Variants in PTPRG observed in about 807,000 individuals in gnomAD.
The protein encoded by PTPRG is receptor-type tyrosine-protein phosphatase gamma.
Under a neutral mutation model 165.3 loss-of-function variants are expected in PTPRG, and 102 were observed. That is an observed-to-expected ratio of 0.62 (90% CI 0.53 to 0.73). The LOEUF (loss-of-function observed/expected upper bound fraction) is 0.73. Ranked by LOEUF, PTPRG falls within the 30% of genes least tolerant of loss-of-function variation. PTPRG has a pLI of 0.00. For missense variants in PTPRG, 1,866 were observed against 1,861.4 expected, an observed-to-expected ratio of 1.00 and a Z score of -0.05; for synonymous variants, 675 against 669.5, an observed-to-expected ratio of 1.01 and a Z score of -0.13.
rs1401995304 is a variant in PTPRG, at chr3:62,237,182, G to A, written c.2375+5871G>A. Among the ~76,000 whole-genome samples the A allele has an allele frequency of 3.9e-5, 6 of 152,068 alleles. No homozygotes were observed. The highest frequency in any genetic ancestry group is 8.8e-5 in the Non-Finnish European group (6 of 68,012). On this transcript the variant is annotated intron_variant, in intron 14 of 29. Coordinates refer to ENST00000474889, the MANE Select transcript of PTPRG (RefSeq NM_002841.4). This position sits in a 1 kb window ranked among gnomAD's most constrained non-coding sequence, Gnocchi z 4.5. ...TCAGAGGTTATCTAAACAGGTTCCC[G>A]GAAAAACAGAAGCCACAGAAGAAAA...
intron 15 of PTPRG, among the ~76,000 whole-genome samples, chr3:62,246,083 C>A (rs1701282833): frequency 6.6e-6 from 1 of 152,070 alleles, no homozygotes; most frequent in Non-Finnish European, 1.5e-5. Context: ...AAATATGTTT[C>A]TCCTAATTCA....
At chr3:62,053,355 C>T (rs1476761692) in intron 4 of PTPRG, among the ~76,000 whole-genome samples, 2 of 151,626 alleles carry the variant, frequency 1.3e-5, no homozygotes, top group African/African-American at 2.4e-5. Flanking sequence ...CAACCTCCAC[C>T]TCCCAGGCTC....
intron 1 of PTPRG, among the ~76,000 whole-genome samples, chr3:61,653,322 T>C (rs1427399787): frequency 4.0e-5 from 6 of 151,486 alleles, no homozygotes; most frequent in South Asian, 2.1e-4. Context: ...ATTATCCCCC[T>C]TTTTTTTTCC....
intron 1 of PTPRG, among the ~76,000 whole-genome samples, chr3:61,659,981 C>T (rs982734796): frequency 1.3e-5 from 2 of 152,104 alleles, no homozygotes; most frequent in Admixed American, 1.3e-4. Flanking sequence ...AATCTCAGCA[C>T]TTTGGGAGGC....
At chr3:61,802,818 G>A (rs1010268969) in intron 2 of PTPRG, among the ~76,000 whole-genome samples, 1 of 152,108 alleles carries the variant, frequency 6.6e-6, no homozygotes, top group Non-Finnish European at 1.5e-5. Flanking sequence ...TGGGGACTGT[G>A]AGGACCTGGA....
chr3:62,157,001 T>C, intron 6 of PTPRG, 66 bp from the exon 7 acceptor site: 6 of 1,422,694 alleles, frequency 4.2e-6, no homozygotes, highest in Non-Finnish European at 5.9e-6. Flanking sequence ...GGGTGTTGAC[T>C]GTGTCTGCGG....
At chr3:62,086,564 T>G (rs1304646990) in intron 5 of PTPRG, among the ~76,000 whole-genome samples, 1 of 152,226 alleles carries the variant, frequency 6.6e-6, no homozygotes, top group Non-Finnish European at 1.5e-5. Flanking sequence ...TTGCTGCTGT[T>G]TGAATATCGT....
intron 2 of PTPRG, among the ~76,000 whole-genome samples, chr3:61,900,941 A>G (rs2038484406): frequency 6.6e-6 from 1 of 152,176 alleles, no homozygotes; most frequent in Admixed American, 6.5e-5. Flanking sequence ...TGTGGATGCT[A>G]ACAGCAATAA....
chr3:62,181,981 C>A (rs879549529), intron 8 of PTPRG, among the ~76,000 whole-genome samples: 4 of 152,184 alleles, frequency 2.6e-5, no homozygotes, highest in Admixed American at 2.6e-4. Context: ...CAGTAACATA[C>A]ACAGTCAATT....
intron 1 of PTPRG, among the ~76,000 whole-genome samples, chr3:61,620,141 T>C (rs1281270630): frequency 6.6e-6 from 1 of 152,122 alleles, no homozygotes; most frequent in Non-Finnish European, 1.5e-5. Flanking sequence ...ATTTTTTTTT[T>C]CCCTGCCCTA....
intron 1 of PTPRG, among the ~76,000 whole-genome samples, chr3:61,677,872 T>G (rs1447840119): frequency 6.6e-6 from 1 of 152,078 alleles, no homozygotes; most frequent in African/African-American, 2.4e-5. Context: ...GGGCCGTGGA[T>G]GGGAGGGGAA....
At chr3:62,136,141 T>C (rs1285100595) in intron 6 of PTPRG, among the ~76,000 whole-genome samples, 2 of 152,128 alleles carry the variant, frequency 1.3e-5, no homozygotes, top group African/African-American at 2.4e-5. Flanking sequence ...CCCGTAGTGC[T>C]CAGAGATTCT....
At position 61,607,393 on chromosome 3, in the gene PTPRG, CTT is replaced by C. The variant is rs772557107; in HGVS notation, c.85+45023_85+45024del. 5.3e-5 allele frequency among the ~76,000 whole-genome samples: 8 copies of C among 152,260 alleles called. No individual in the cohort carries two copies. The South Asian group carries it at 1.5e-3, about 28-fold the overall frequency. On this transcript the variant is annotated intron_variant, in intron 1 of 29. Transcript: ENST00000474889. ...TTCAGAAATCGGATCAAACTGTGTT[CTT>C]TGGGATCCATTAAAACTGAAATGCC...
At chr3:62,097,098 TATC>T (rs147158459) in intron 5 of PTPRG, among the ~76,000 whole-genome samples, 35,344 of 152,060 alleles carry the variant, frequency 0.23, 4,231 homozygotes, top group Non-Finnish European at 0.28. Context: ...CCATTACTAT[TATC>T]ACGCGCTTAA....
intron 2 of PTPRG, among the ~76,000 whole-genome samples, chr3:61,813,551 G>GTGTGTGTT (rs1407232135): frequency 1.7e-5 from 2 of 117,800 alleles, no homozygotes; most frequent in African/African-American, 6.0e-5. Context: ...ATCTGTGTGT[G>GTGTGTGTT]TGTGTGTGTG....
intron 1 of PTPRG, among the ~76,000 whole-genome samples, chr3:61,628,525 G>T (rs990447435): frequency 6.6e-6 from 1 of 152,032 alleles, no homozygotes; most frequent in Non-Finnish European, 1.5e-5. Context: ...GTAGAGACAG[G>T]GTTTTACCAT....
rs149029331 is a variant in PTPRG, at chr3:62,145,274, G to A, written c.683-11793G>A. 3.9e-5 allele frequency among the ~76,000 whole-genome samples: 6 copies of A among 152,248 alleles called. No homozygotes were observed. The East Asian group carries it at 1.2e-3, about 30-fold the overall frequency. On this transcript the variant is annotated intron_variant, in intron 6 of 29. Coordinates refer to ENST00000474889, the MANE Select transcript of PTPRG (RefSeq NM_002841.4). Reference sequence around the variant, plus strand: ...GGTAATACTAATACCAGTCTTGCTGGTTTATCCTGAGGATTCAGTGACTTA... The same window carrying A: ...GGTAATACTAATACCAGTCTTGCTGATTTATCCTGAGGATTCAGTGACTTA...
intron 2 of PTPRG, among the ~76,000 whole-genome samples, chr3:61,791,892 C>T (rs995309491): frequency 1.3e-5 from 2 of 152,142 alleles, no homozygotes; most frequent in African/African-American, 2.4e-5. Flanking sequence ...TCAGAGGTAT[C>T]GTTTATTAGT....
chr3:62,277,414 A>G, intron 25 of PTPRG, 137 bp from the exon 26 acceptor site: 1 of 994,706 alleles, frequency 1.0e-6, no homozygotes, highest in South Asian at 1.6e-5. Context: ...AAAATTAGCC[A>G]AATGTACCGA....
Sources: gnomAD v4.1 joint callset for allele counts (sites outside exome capture counted in the v4.1 genomes callset) on GRCh38, gnomAD v4.1.1 for gene constraint, Gnocchi (gnomAD v3.1) non-coding constraint, MANE v1.5 for transcripts, NCBI Gene and HGNC (gene_info 2026-07-23, HGNC 2026-07-21) for gene names.